Variants in CNTN6 observed in about 807,000 individuals in gnomAD.
The protein encoded by CNTN6 is contactin 6, also known as contactin-6.
Under a neutral mutation model 122.8 loss-of-function variants are expected in CNTN6, and 137 were observed. The ratio of observed to expected loss-of-function variants is 1.12; its 90% CI spans 0.97 to 1.29. The LOEUF (loss-of-function observed/expected upper bound fraction) is 1.29. Ranked by LOEUF, CNTN6 falls within the 50% of genes most tolerant of loss-of-function variation. CNTN6 has a pLI of 0.00. For synonymous variants in CNTN6, 570 were observed against 426.0 expected (o/e 1.34, Z -4.16); for missense variants, 1,634 against 1,223.4 (o/e 1.34, Z -5.01).
At chr3:1,166,486 G>A (rs958387350) in intron 2 of CNTN6, among the ~76,000 whole-genome samples, 1 of 152,166 alleles carries the variant, frequency 6.6e-6, no homozygotes, top group African/African-American at 2.4e-5. Flanking sequence ...GAGATGCTAA[G>A]ATACAGATTA....
chr3:1,321,859 A>G, intron 8 of CNTN6, 25 bp downstream of exon 8: 1 of 1,546,332 alleles, frequency 6.5e-7, no homozygotes, highest in South Asian at 1.2e-5. Flanking sequence ...TTTCAAATAT[A>G]TATAAAATAT....
chr3:1,398,419 C>T (rs1695251723), intron 20 of CNTN6, among the ~76,000 whole-genome samples: 1 of 152,064 alleles, frequency 6.6e-6, no homozygotes, highest in Admixed American at 6.6e-5. Context: ...ATTTTATCTC[C>T]CTTTCTAAAA....
At chr3:1,364,435 T>C (rs1040719860) in intron 12 of CNTN6, among the ~76,000 whole-genome samples, 5 of 151,854 alleles carry the variant, frequency 3.3e-5, no homozygotes, top group Admixed American at 1.3e-4. Context: ...GAGGAGTTTA[T>C]AACTTCAGCA....
At chr3:1,222,330 G>A (rs1317392694) in intron 3 of CNTN6, among the ~76,000 whole-genome samples, 1 of 152,158 alleles carries the variant, frequency 6.6e-6, no homozygotes, top group Non-Finnish European at 1.5e-5. Context: ...TACATTTAGT[G>A]AGATCACCTA....
chr3:1,147,821 GATAATA>G (rs565708471), intron 1 of CNTN6, 100 bp from the exon 2 acceptor site: 36 of 454,568 alleles, frequency 7.9e-5, no homozygotes, highest in Non-Finnish European at 1.3e-4. Context: ...CTTTATTTTG[GATAATA>G]ATATTAATAT....
intron 7 of CNTN6, among the ~76,000 whole-genome samples, chr3:1,319,769 T>C (rs1252155630): frequency 1.3e-5 from 2 of 150,970 alleles, no homozygotes; most frequent in Non-Finnish European, 3.0e-5. Context: ...AGAAAATTTT[T>C]ATTACACTGG....
At position 1,327,543 on chromosome 3, in the gene CNTN6, C is replaced by A. The variant is rs1285299087; in HGVS notation, c.1170C>A (p.Asn390Lys). The A allele has an allele frequency of 1.2e-6, 2 of 1,610,554 alleles. No individual in the cohort carries two copies. The highest frequency in any genetic ancestry group is 2.2e-5 in the East Asian group (1 of 44,672). Residue 390 changes from asparagine to lysine, a missense_variant, in exon 10 of 23, where the codon AAC (asparagine) becomes AAA (lysine). Coordinates refer to ENST00000446702, the MANE Select transcript of CNTN6 (RefSeq NM_001289080.2). ...GTGTGTACCAATGTGCTGCAGAAAA[C>A]AAATATCAGATAATTTATGCAAATG... Reference protein sequence around the residue: ...DSGVYQCAAENKYQIIYANAE... With the variant: ...DSGVYQCAAEKKYQIIYANAE...
intron 8 of CNTN6, among the ~76,000 whole-genome samples, chr3:1,324,466 T>G (rs2125983025): frequency 6.7e-6 from 1 of 149,840 alleles, no homozygotes; most frequent in Admixed American, 6.6e-5. Context: ...CACATCTTGT[T>G]TTCTGTTCTG....
intron 2 of CNTN6, among the ~76,000 whole-genome samples, chr3:1,178,706 T>G (rs1351571258): frequency 6.6e-6 from 1 of 152,188 alleles, no homozygotes; most frequent in Non-Finnish European, 1.5e-5. Flanking sequence ...AGAATAGGCA[T>G]GTTTTTACTT....
At chr3:1,399,270 T>C (rs543787441) in intron 20 of CNTN6, among the ~76,000 whole-genome samples, 6 of 152,068 alleles carry the variant, frequency 3.9e-5, no homozygotes, top group Non-Finnish European at 8.8e-5. Context: ...CCTGTGAGAA[T>C]TTTGATATTA....
intron 12 of CNTN6, among the ~76,000 whole-genome samples, chr3:1,367,165 A>G (rs977386462): frequency 4.6e-5 from 7 of 152,044 alleles, no homozygotes; most frequent in African/African-American, 1.7e-4. Flanking sequence ...TTTTTTTGTG[A>G]TGAGAATTAA....
intron 11 of CNTN6, among the ~76,000 whole-genome samples, chr3:1,331,140 T>A (rs751407022): frequency 1.3e-5 from 2 of 151,938 alleles, no homozygotes; most frequent in Non-Finnish European, 2.9e-5. Flanking sequence ...TTATAACTGC[T>A]GCCTTGAAGA....
intron 11 of CNTN6, among the ~76,000 whole-genome samples, chr3:1,338,575 C>A (rs1703433123): frequency 6.6e-6 from 1 of 152,152 alleles, no homozygotes; most frequent in African/African-American, 2.4e-5. Context: ...TTCTATCTCA[C>A]TGTTGAAGAG....
Position 1,295,653 on chromosome 3 carries a change from C to A in CNTN6, c.507C>A (p.Asp169Glu), listed in dbSNP as rs2125864407. 3 of 1,613,906 alleles carry A rather than the reference C, an allele frequency of 1.9e-6. 1 individual carries two copies. In the East Asian group the frequency reaches 6.7e-5, roughly 36 times the overall value. Residue 169 changes from aspartate (D) to glutamate (E), a missense_variant, in exon 6 of 23, where the codon GAC becomes GAA. Asp to Glu is a conservative substitution (Grantham distance 45). Transcript: ENST00000446702. ...FNDNPLYVQE[D>E]NRRFVSQETG... The stretch of plus-strand genomic sequence containing the variant: ...ATAACCCCTTATACGTCCAAGAGGA[C>A]AATAGGCGATTTGTATCTCAAGAGA...
chr3:1,249,590 G>A (rs931433676), intron 4 of CNTN6, among the ~76,000 whole-genome samples: 4 of 152,156 alleles, frequency 2.6e-5, no homozygotes, highest in East Asian at 1.9e-4. Context: ...ATCTATAGAC[G>A]TGATTTAACA....
At chr3:1,285,827 A>G (rs756602498) in intron 5 of CNTN6, among the ~76,000 whole-genome samples, 10 of 152,154 alleles carry the variant, frequency 6.6e-5, no homozygotes, top group Non-Finnish European at 1.5e-4. Flanking sequence ...TTTAAATAAT[A>G]CAAGGAGATA....
chr3:1,216,849 T>C (rs1454387341), intron 2 of CNTN6, among the ~76,000 whole-genome samples: 1 of 152,172 alleles, frequency 6.6e-6, no homozygotes, highest in Non-Finnish European at 1.5e-5. Context: ...GTGAAAACAA[T>C]GGAGAGGGAA....
chr3:1,284,898 T>C (rs1170691017), intron 5 of CNTN6, among the ~76,000 whole-genome samples: 1 of 152,052 alleles, frequency 6.6e-6, no homozygotes, highest in Non-Finnish European at 1.5e-5. Context: ...TCAGCATAGG[T>C]GAATTAAAAT....
At chr3:1,109,454 A>G (rs577550294) in intron 1 of CNTN6, among the ~76,000 whole-genome samples, 107 of 152,158 alleles carry the variant, frequency 7.0e-4, no homozygotes, top group African/African-American at 2.5e-3. Flanking sequence ...TAATATAAAT[A>G]TTATCTACCA....
Sources: allele counts gnomAD v4.1 joint callset (sites outside exome capture counted in the v4.1 genomes callset), GRCh38; gene constraint gnomAD v4.1.1; transcripts MANE v1.5; gene names NCBI Gene and HGNC (gene_info 2026-07-23, HGNC 2026-07-21).